Variants in SLC4A5 observed in about 807,000 individuals in gnomAD.
The protein encoded by SLC4A5 is electrogenic sodium bicarbonate cotransporter 4.
A neutral mutation model predicts 120.4 loss-of-function variants in SLC4A5; 96 were observed. The observed-to-expected ratio is 0.80, with a 90% CI of 0.68 to 0.94. The LOEUF (loss-of-function observed/expected upper bound fraction) is 0.94. Among genes scored for constraint, SLC4A5 ranks in the 40% least tolerant of loss-of-function variants. The probability of loss-of-function intolerance (pLI) is 0.00; values close to 1 mark genes in which losing one functional copy is unlikely to be tolerated. For missense variants in SLC4A5, 1,259 were observed against 1,459.5 expected (o/e 0.86, Z 2.24); for synonymous variants, 550 against 571.1 (o/e 0.96, Z 0.53).
chr2:74,309,916 C>T (rs1672757741), intron 6 of SLC4A5, among the ~76,000 whole-genome samples: 1 of 152,062 alleles, frequency 6.6e-6, no homozygotes, highest in Non-Finnish European at 1.5e-5. Flanking sequence ...CCTGCCTCGG[C>T]CTCCCAAAGT....
intron 20 of SLC4A5, among the ~76,000 whole-genome samples, chr2:74,240,011 ATAAATT>A (rs1670387372): frequency 1.3e-5 from 2 of 148,816 alleles, no homozygotes; most frequent in African/African-American, 4.9e-5. Context: ...ATTTTTATAT[ATAAATT>A]TATTTATATA....
Position 74,299,753 on chromosome 2 carries a change from C to T in SLC4A5, c.271+4736G>A, listed in dbSNP as rs149006260. 3.0e-3 allele frequency among the ~76,000 whole-genome samples: 450 copies of T among 152,296 alleles called. 2 individuals are homozygous for T. Among genetic ancestry groups the T allele is most frequent in the African/African-American group, 0.011 (442 of 41,556 alleles). ...GCAAGAAAGTGGAGAAAAGGGAACA[C>T]TTGTGCACTGTTGGTGGGAATGTAA... On this transcript the variant is annotated intron_variant, in intron 7 of 30. Coordinates refer to ENST00000394019, the Ensembl canonical transcript of SLC4A5.
intron 21 of SLC4A5, among the ~76,000 whole-genome samples, chr2:74,238,778 C>T (rs146422849): frequency 2.9e-4 from 44 of 152,046 alleles, no homozygotes; most frequent in Middle Eastern, 6.8e-3. Flanking sequence ...ATCTGCTGTC[C>T]AATATTTGCC....
chr2:74,223,795 G>A (rs943801707), intron 28 of SLC4A5, among the ~76,000 whole-genome samples: 1 of 152,172 alleles, frequency 6.6e-6, no homozygotes, highest in Non-Finnish European at 1.5e-5. Context: ...CATGCATTAT[G>A]GGACTCTTCC....
At chr2:74,307,143 G>T in intron 6 of SLC4A5, 1 of 558,918 alleles carries the variant, frequency 1.8e-6, no homozygotes, top group Non-Finnish European at 3.3e-6. Flanking sequence ...CATCATCTCA[G>T]CAGCTCCAAC....
chr2:74,260,383 C>T (rs1671097901), intron 11 of SLC4A5, among the ~76,000 whole-genome samples: 2 of 152,080 alleles, frequency 1.3e-5, no homozygotes, highest in South Asian at 4.1e-4. Context: ...CTCATCCCCT[C>T]CAGGTGCCTC....
chr2:74,258,054 C>T (rs1671024537), intron 12 of SLC4A5, among the ~76,000 whole-genome samples: 1 of 152,200 alleles, frequency 6.6e-6, no homozygotes, highest in African/African-American at 2.4e-5. Flanking sequence ...GCTTGTATAA[C>T]CAGGGCCCTG....
At chr2:74,253,338 A>G (rs1219046447) in intron 14 of SLC4A5, among the ~76,000 whole-genome samples, 3 of 152,194 alleles carry the variant, frequency 2.0e-5, no homozygotes, top group Admixed American at 2.0e-4. Context: ...CCTCTCTTGG[A>G]TCTGAAGGCC....
chr2:74,242,999 T>C (rs1370811960), intron 19 of SLC4A5, among the ~76,000 whole-genome samples: 1 of 152,204 alleles, frequency 6.6e-6, no homozygotes, highest in African/African-American at 2.4e-5. Context: ...AAATAACTTG[T>C]TGCTTTGGTA....
rs200107915 is a variant in SLC4A5, at chr2:74,227,178, C to T, written c.2917-48G>A. ...GCCAGGCAGCCAGACCCCGAGGGCCCGCTGGGTCCTGGGACTAGGGGAAGG... is the reference window on the plus strand; with the variant it reads ...GCCAGGCAGCCAGACCCCGAGGGCCTGCTGGGTCCTGGGACTAGGGGAAGG... On this transcript the variant is annotated intron_variant, in intron 26 of 30. Coordinates refer to ENST00000394019, the Ensembl canonical transcript of SLC4A5. The T allele has an allele frequency of 2.8e-3, 4,367 of 1,546,928 alleles. 5 individuals carry two copies. Among genetic ancestry groups the T allele is most frequent in the Non-Finnish European group, 3.5e-3 (4,025 of 1,145,284 alleles).
chr2:74,310,472 TC>T (rs758957812), intron 6 of SLC4A5, among the ~76,000 whole-genome samples: 15 of 152,178 alleles, frequency 9.9e-5, no homozygotes, highest in Non-Finnish European at 1.5e-4. Flanking sequence ...TGAGGAAATT[TC>T]CCTCTATTCC....
rs762383796 is a variant in SLC4A5 at position 74,233,383 on chromosome 2, C to T, written c.2595+19G>A. ...TGGGAAGAAAGAGGTTATGCCTCTG[C>T]TCCTAGTACCGGCCTTACCTTCAGT... On this transcript the variant is annotated intron_variant, in intron 23 of 30. Coordinates refer to ENST00000394019, the Ensembl canonical transcript of SLC4A5. 1 of 1,613,982 alleles carries T rather than the reference C, an allele frequency of 6.2e-7. No homozygotes were observed.
chr2:74,316,451 C>T (rs1320664242), intron 5 of SLC4A5, among the ~76,000 whole-genome samples: 1 of 151,918 alleles, frequency 6.6e-6, no homozygotes, highest in Non-Finnish European at 1.5e-5. Flanking sequence ...AAAATCCTGG[C>T]CAAGACAGGA....
intron 23 of SLC4A5, 88 bp from the exon 24 acceptor site, chr2:74,232,735 C>A: frequency 6.7e-6 from 10 of 1,495,922 alleles, no homozygotes; most frequent in East Asian, 2.4e-5. Flanking sequence ...GGTTCAAGGA[C>A]CCCCTGCCTT....
intron 21 of SLC4A5, 97 bp from the exon 22 acceptor site, chr2:74,235,311 C>T (rs768627645): frequency 3.6e-6 from 3 of 830,280 alleles, no homozygotes. Context: ...TGAACTATTA[C>T]AGTCTGGGCT....
chr2:74,266,114 G>C (rs186223496), intron 8 of SLC4A5, among the ~76,000 whole-genome samples: 16 of 152,162 alleles, frequency 1.1e-4, no homozygotes, highest in Non-Finnish European at 1.8e-4. Flanking sequence ...GGTGAGGAAA[G>C]TTCAAAAATG....
At chr2:74,343,040 G>A (rs756581390) in intron 1 of SLC4A5, among the ~76,000 whole-genome samples, 4 of 152,174 alleles carry the variant, frequency 2.6e-5, no homozygotes, top group African/African-American at 9.6e-5. Context: ...CACACTACAC[G>A]CTCCCCTCAC....
At chr2:74,282,045 G>A (rs1671830213) in intron 8 of SLC4A5, among the ~76,000 whole-genome samples, 1 of 152,128 alleles carries the variant, frequency 6.6e-6, no homozygotes, top group African/African-American at 2.4e-5. Context: ...TGGCTCCACT[G>A]GCCTGTCAAC....
intron 24 of SLC4A5, 41 bp from the exon 25 acceptor site, chr2:74,231,349 G>A (rs763025836): frequency 6.3e-7 from 1 of 1,583,638 alleles, no homozygotes; most frequent in Non-Finnish European, 8.6e-7. Flanking sequence ...ACCAGGAAAT[G>A]CCTGGCAACT....
Sources: allele counts gnomAD v4.1 joint callset (sites outside exome capture counted in the v4.1 genomes callset), GRCh38; gene constraint gnomAD v4.1.1; transcripts MANE v1.5; gene names NCBI Gene and HGNC (gene_info 2026-07-23, HGNC 2026-07-21).